The following ALK variants were observed in gnomAD, a reference collection of about 807,000 sequenced individuals.
ALK encodes ALK tyrosine kinase receptor.
In ALK, 74 loss-of-function variants were observed where a neutral mutation model predicts 163.1. That is an observed-to-expected ratio of 0.45 (90% CI 0.38 to 0.55). ALK has a LOEUF of 0.55. ALK is among the 20% of genes least tolerant of loss of function. The pLI, the probability that ALK is intolerant of heterozygous loss-of-function variation, is 0.00. For synonymous variants in ALK, 960 were observed against 843.2 expected, an observed-to-expected ratio of 1.14 and a Z score of -2.40; for missense variants, 2,063 against 2,105.3, an observed-to-expected ratio of 0.98 and a Z score of 0.39.
At chr2:29,845,851 C>A (rs1665828776) in intron 1 of ALK, among the ~76,000 whole-genome samples, 1 of 152,224 alleles carries the variant, frequency 6.6e-6, no homozygotes, top group South Asian at 2.1e-4. Context: ...AAGACAGATT[C>A]TGGGAACTGT....
intron 8 of ALK, among the ~76,000 whole-genome samples, chr2:29,305,032 C>T (rs552212059): frequency 5.3e-5 from 8 of 152,292 alleles, no homozygotes; most frequent in East Asian, 1.9e-4. Context: ...AATTTCTCCA[C>T]GTGTTTCTAA....
intron 1 of ALK, among the ~76,000 whole-genome samples, chr2:29,718,380 T>C (rs1679324876): frequency 6.6e-6 from 1 of 152,234 alleles, no homozygotes; most frequent in African/African-American, 2.4e-5. Context: ...GTCATTACAA[T>C]ATATCTACAA....
chr2:29,683,057 G>A (rs376877228), intron 3 of ALK, among the ~76,000 whole-genome samples: 63 of 152,190 alleles, frequency 4.1e-4, no homozygotes, highest in African/African-American at 1.4e-3. Context: ...ATGTACTTAC[G>A]AGTAATACTC....
chr2:29,779,285 G>C (rs1267504785), intron 1 of ALK, among the ~76,000 whole-genome samples: 1 of 152,196 alleles, frequency 6.6e-6, no homozygotes, highest in Admixed American at 6.5e-5. Context: ...AGCGCTCTGT[G>C]CTCCAAGAGC....
At chr2:29,199,964 T>A (rs1669116849) in intron 26 of ALK, among the ~76,000 whole-genome samples, 1 of 152,204 alleles carries the variant, frequency 6.6e-6, no homozygotes, top group South Asian at 2.1e-4. Context: ...CAAAGACTCT[T>A]GTGAGAAGGA....
chr2:29,895,734 T>C (rs540016902), intron 1 of ALK, among the ~76,000 whole-genome samples: 4 of 152,340 alleles, frequency 2.6e-5, no homozygotes, highest in East Asian at 1.9e-4. Flanking sequence ...CAACAGTTCA[T>C]TGTGAGCCTC....
intron 3 of ALK, among the ~76,000 whole-genome samples, chr2:29,559,154 A>G (rs1270214836): frequency 6.6e-6 from 1 of 152,208 alleles, no homozygotes; most frequent in Non-Finnish European, 1.5e-5. Flanking sequence ...ACTTTTGCTT[A>G]TCTGCCTGAA....
chr2:29,824,043 G>T (rs1363078902), intron 1 of ALK, among the ~76,000 whole-genome samples: 1 of 152,300 alleles, frequency 6.6e-6, no homozygotes, highest in East Asian at 1.9e-4. Context: ...TAGGGACTTG[G>T]TGCCCTGCAT....
intron 4 of ALK, among the ~76,000 whole-genome samples, chr2:29,416,096 C>T (rs146833861): frequency 8.1e-4 from 124 of 152,326 alleles, no homozygotes; most frequent in African/African-American, 2.5e-3. Flanking sequence ...TCTATAATCA[C>T]GTGAGCCAAT....
chr2:29,561,113 T>C (rs1674010320), intron 3 of ALK, among the ~76,000 whole-genome samples: 1 of 152,234 alleles, frequency 6.6e-6, no homozygotes, highest in African/African-American at 2.4e-5. Flanking sequence ...TAAAATGTAT[T>C]ATTAAAATTA....
At chr2:29,886,146 T>A (rs1040454544) in intron 1 of ALK, among the ~76,000 whole-genome samples, 2 of 152,248 alleles carry the variant, frequency 1.3e-5, no homozygotes, top group Non-Finnish European at 2.9e-5. Flanking sequence ...GTTGTGTTAA[T>A]AACATTTCCT....
At chr2:29,457,261 G>A (rs1670978883) in intron 4 of ALK, among the ~76,000 whole-genome samples, 1 of 152,126 alleles carries the variant, frequency 6.6e-6, no homozygotes, top group South Asian at 2.1e-4. Context: ...CCACCTGGCT[G>A]AATGGTGTTT....
At chr2:29,339,027 G>C (rs1196968204) in intron 5 of ALK, among the ~76,000 whole-genome samples, 2 of 152,184 alleles carry the variant, frequency 1.3e-5, no homozygotes, top group African/African-American at 4.8e-5. Flanking sequence ...CGGATCACCT[G>C]AGGTGGGGAG....
chr2:29,841,631 G>T (rs543457786), intron 1 of ALK, among the ~76,000 whole-genome samples: 3 of 152,190 alleles, frequency 2.0e-5, no homozygotes, highest in Non-Finnish European at 4.4e-5. Flanking sequence ...GCTGCGCTCC[G>T]TGAGTCCTGG....
chr2:29,232,234 G>T, intron 15 of ALK, 70 bp downstream of exon 15: 1 of 1,589,962 alleles, frequency 6.3e-7, no homozygotes, highest in Non-Finnish European at 8.6e-7. Flanking sequence ...CCTCAGGCAT[G>T]CGATGGCATC....
chr2:29,761,872 G>T (rs1680712680), intron 1 of ALK, among the ~76,000 whole-genome samples: 1 of 152,220 alleles, frequency 6.6e-6, no homozygotes, highest in Non-Finnish European at 1.5e-5. Flanking sequence ...GAGGCAAGGA[G>T]AATACAACGT....
chr2:29,635,197 C>A (rs1294615185), intron 3 of ALK, among the ~76,000 whole-genome samples: 1 of 152,166 alleles, frequency 6.6e-6, no homozygotes, highest in Non-Finnish European at 1.5e-5. Context: ...GTAAAGTTGT[C>A]AATTTCCCCA....
At chr2:29,520,712 A>G (rs573491975) in intron 4 of ALK, among the ~76,000 whole-genome samples, 1 of 152,226 alleles carries the variant, frequency 6.6e-6, no homozygotes, top group Non-Finnish European at 1.5e-5. Context: ...GGCTTGCTTC[A>G]CTTGGGGGCA....
chr2:29,672,445 C>T (rs1358414670), intron 3 of ALK, among the ~76,000 whole-genome samples: 42 of 110,394 alleles, frequency 3.8e-4, no homozygotes, highest in African/African-American at 3.5e-4. Flanking sequence ...TTTGTTCTTG[C>T]GATAGTTTAC....
Sources: allele counts gnomAD v4.1 joint callset (sites outside exome capture counted in the v4.1 genomes callset), GRCh38; gene constraint gnomAD v4.1.1; transcripts MANE v1.5; gene names NCBI Gene and HGNC (gene_info 2026-07-23, HGNC 2026-07-21).